The following CD226 variants were observed in gnomAD, a reference collection of about 807,000 sequenced individuals.
CD226 encodes CD226 molecule.
Under a neutral mutation model 34.9 loss-of-function variants are expected in CD226, and 24 were observed. The observed-to-expected ratio is 0.69, with a 90% CI of 0.50 to 0.97. CD226 has a LOEUF of 0.97. Ranked by LOEUF, CD226 falls within the 50% of genes least tolerant of loss-of-function variation. CD226 has a pLI of 0.00. For synonymous variants in CD226, 148 were observed against 147.4 expected (o/e 1.00, Z -0.03); for missense variants, 397 against 412.7 (o/e 0.96, Z 0.33).
At chr18:69,940,055 A>T (rs557702744) in intron 2 of CD226, among the ~76,000 whole-genome samples, 2 of 152,294 alleles carry the variant, frequency 1.3e-5, no homozygotes, top group African/African-American at 4.8e-5. Context: ...GGTTTCCCCC[A>T]TCCTGTTCTC....
intron 5 of CD226, among the ~76,000 whole-genome samples, chr18:69,866,883 C>T (rs752279844): frequency 2.0e-5 from 3 of 152,114 alleles, no homozygotes; most frequent in Non-Finnish European, 2.9e-5. Context: ...GAGATTGGAG[C>T]GATGTGTCTA....
At chr18:69,909,573 A>C (rs1472948727) in intron 2 of CD226, among the ~76,000 whole-genome samples, 1 of 152,252 alleles carries the variant, frequency 6.6e-6, no homozygotes, top group Non-Finnish European at 1.5e-5. Flanking sequence ...AACAATATTA[A>C]AAAACCAGTG....
intron 1 of CD226, among the ~76,000 whole-genome samples, chr18:69,952,917 T>G (rs61677424): frequency 0.028 from 4,326 of 152,252 alleles, 227 homozygotes; most frequent in African/African-American, 0.099. Flanking sequence ...CAACCCAATT[T>G]TCAAATGGGC....
rs397771802 is a variant in CD226 at position 69,888,416 on chromosome 18, C to CTTT, written c.727+7282_727+7284dup. ...TGCACTGACTATTTTTTTCCTTTCT[C>CTTT]TTTTTTTTTTTTTTTTTTTGGAGAC... On this transcript the variant is annotated intron_variant, in intron 3 of 5. Transcript: ENST00000582621. Among the ~76,000 whole-genome samples the CTTT allele has an allele frequency of 4.2e-4, 53 of 125,012 alleles. 1 individual carries two copies. Among genetic ancestry groups the CTTT allele is most frequent in the South Asian group, 7.5e-4 (3 of 4,008 alleles). 82.0% of individuals were successfully genotyped at this position (125,012 alleles called of 152,430 possible).
intron 2 of CD226, among the ~76,000 whole-genome samples, chr18:69,925,101 C>T (rs1456730973): frequency 6.6e-6 from 1 of 152,216 alleles, no homozygotes; most frequent in East Asian, 1.9e-4. Flanking sequence ...ACTCAGCTTG[C>T]TTTGCAGGTG....
chr18:69,885,748 C>T (rs562649670), intron 3 of CD226, among the ~76,000 whole-genome samples: 1 of 152,260 alleles, frequency 6.6e-6, no homozygotes, highest in South Asian at 2.1e-4. Context: ...TTCACACCTG[C>T]TACCTGATTG....
At chr18:69,916,622 G>C (rs2055389271) in intron 2 of CD226, among the ~76,000 whole-genome samples, 1 of 152,110 alleles carries the variant, frequency 6.6e-6, no homozygotes, top group Admixed American at 6.5e-5. Context: ...ATTTTTTAAT[G>C]AGTCATTGGA....
chr18:69,874,073 T>G (rs1055981984), intron 3 of CD226, among the ~76,000 whole-genome samples: 1 of 152,074 alleles, frequency 6.6e-6, no homozygotes. Context: ...TTTACCATGG[T>G]CCAGTAATCT....
intron 2 of CD226, among the ~76,000 whole-genome samples, chr18:69,927,389 A>AAAC (rs1568197339): frequency 6.7e-4 from 44 of 65,850 alleles, no homozygotes; most frequent in Middle Eastern, 0.019. Flanking sequence ...CACACACACA[A>AAAC]ACACACACAC....
chr18:69,947,449 A>AT lies in CD226; in HGVS notation c.-44dup, dbSNP rs397689100. ...AAGGCTGGTTCTATTAAAAAAAAAA[A>AT]TTGCTTTTTATAATGTGACATGCAG... is the stretch of plus-strand genomic sequence containing the variant. On this transcript the variant is annotated 5_prime_UTR_variant, in exon 1 of 6. Coordinates refer to ENST00000582621, the MANE Select transcript of CD226 (RefSeq NM_001303618.2). The AT allele has an allele frequency of 7.2e-7, 1 of 1,392,186 alleles. No individual in the cohort carries two copies. The highest frequency in any genetic ancestry group is 9.9e-7 in the Non-Finnish European group (1 of 1,008,614). 86.2% of individuals were successfully genotyped at this position (1,392,186 alleles called of 1,614,324 possible).
chr18:69,875,859 A>C (rs1399596894), intron 3 of CD226, among the ~76,000 whole-genome samples: 1 of 152,244 alleles, frequency 6.6e-6, no homozygotes, highest in Non-Finnish European at 1.5e-5. Flanking sequence ...AATCTAAAAA[A>C]GTCAAACTTA....
chr18:69,874,858 C>T (rs1159738251), intron 3 of CD226, among the ~76,000 whole-genome samples: 2 of 152,128 alleles, frequency 1.3e-5, no homozygotes, highest in Non-Finnish European at 2.9e-5. Flanking sequence ...GCTTATTTCA[C>T]TTTTCATAAT....
chr18:69,941,540 G>A (rs2055723998), intron 2 of CD226, among the ~76,000 whole-genome samples: 1 of 152,204 alleles, frequency 6.6e-6, no homozygotes, highest in Admixed American at 6.5e-5. Context: ...TTTAATGACT[G>A]CCCTACAGGA....
At chr18:69,919,973 C>A (rs947207232) in intron 2 of CD226, among the ~76,000 whole-genome samples, 4 of 151,866 alleles carry the variant, frequency 2.6e-5, no homozygotes, top group Non-Finnish European at 5.9e-5. Context: ...AAACCATCAT[C>A]CCACCTCAGC....
At chr18:69,949,354 A>C (rs1203773997), upstream of CD226, among the ~76,000 whole-genome samples, 1 of 152,196 alleles carries the variant, frequency 6.6e-6, no homozygotes, top group Non-Finnish European at 1.5e-5. Context: ...AACAAACTGG[A>C]GTGGCAAGGA....
At chr18:69,922,908 G>T (rs187431536) in intron 2 of CD226, among the ~76,000 whole-genome samples, 1 of 152,156 alleles carries the variant, frequency 6.6e-6, no homozygotes, top group African/African-American at 2.4e-5. Flanking sequence ...AAGGCAGGCA[G>T]ATCGCCTAAG....
chr18:69,913,107 T>C (rs17081806), intron 2 of CD226, among the ~76,000 whole-genome samples: 6,469 of 152,200 alleles, frequency 0.043, 486 homozygotes, highest in African/African-American at 0.15. Context: ...CAGCACCAGA[T>C]GGTGGGATAA....
rs139836584 is a variant in CD226, at chr18:69,879,634, T to G, written c.728-6388A>C. Among the ~76,000 whole-genome samples, 31 of 152,320 alleles carry G rather than the reference T, an allele frequency of 2.0e-4. No homozygotes were observed. The East Asian group carries it at 5.6e-3, about 27-fold the overall frequency. On this transcript the variant is annotated intron_variant, in intron 3 of 5. Coordinates refer to ENST00000582621, the MANE Select transcript of CD226 (RefSeq NM_001303618.2). ...ATGCTTTACAAACAATTTGTGCAGT[T>G]AACACAACCATCACAGGGTCCTGAG...
In CD226 at chr18:69,946,829, C is replaced by T. The variant is rs758525853; in HGVS notation, c.287G>A (p.Arg96Gln). 3 of 1,614,008 alleles carry T rather than the reference C, an allele frequency of 1.9e-6. No homozygotes were observed. The highest frequency in any genetic ancestry group is 2.2e-5 in the East Asian group (1 of 44,884). Residue 96 changes from arginine (R) to glutamine (Q), a missense_variant, in exon 2 of 6, where the codon CGG (arginine) becomes CAG (glutamine). Transcript: ENST00000582621. Reference protein sequence around the residue: ...MASNNMTLFFRNASEDDVGYY... With the variant: ...MASNNMTLFFQNASEDDVGYY... ...GCCAACATCATCTTCAGAGGCATTCCGAAAGAAAAGAGTCATGTTATTGGA... is the reference window on the plus strand; with the variant it reads ...GCCAACATCATCTTCAGAGGCATTCTGAAAGAAAAGAGTCATGTTATTGGA...
Sources: allele counts gnomAD v4.1 joint callset (sites outside exome capture counted in the v4.1 genomes callset), GRCh38; gene constraint gnomAD v4.1.1; transcripts MANE v1.5; gene names NCBI Gene and HGNC (gene_info 2026-07-23, HGNC 2026-07-21).